The following TEX36 variants were observed in gnomAD, a reference collection of about 807,000 sequenced individuals.
The protein encoded by TEX36 is testis expressed 36, also known as testis-expressed protein 36.
In TEX36, 12 loss-of-function variants were observed where a neutral mutation model predicts 13.6. The observed-to-expected ratio is 0.88, with a 90% CI of 0.56 to 1.43. TEX36 has a LOEUF of 1.43. Among genes scored for constraint, TEX36 ranks in the 40% most tolerant of loss-of-function variants. The pLI is 0.00. For missense variants in TEX36, 224 were observed against 228.3 expected, an observed-to-expected ratio of 0.98 and a Z score of 0.12; for synonymous variants, 93 against 83.0, an observed-to-expected ratio of 1.12 and a Z score of -0.65.
intron 3 of TEX36, among the ~76,000 whole-genome samples, chr10:125,640,615 A>T (rs1261365005): frequency 6.6e-6 from 1 of 152,122 alleles, no homozygotes; most frequent in African/African-American, 2.4e-5. Context: ...CACACTTAGC[A>T]TTTTCCCATC....
chr10:125,638,362 GA>G (rs927940412), intron 3 of TEX36, among the ~76,000 whole-genome samples: 1 of 151,678 alleles, frequency 6.6e-6, no homozygotes, highest in Non-Finnish European at 1.5e-5. Context: ...AAAAAAGAAA[GA>G]GAGAGAGAGA....
At chr10:125,591,718 T>C (rs750995816) in intron 3 of TEX36, among the ~76,000 whole-genome samples, 1 of 152,226 alleles carries the variant, frequency 6.6e-6, no homozygotes, top group Non-Finnish European at 1.5e-5. Flanking sequence ...TGCATGTTCA[T>C]GAAGCTGCCA....
intron 3 of TEX36, among the ~76,000 whole-genome samples, chr10:125,579,830 G>T (rs950720116): frequency 6.6e-6 from 1 of 152,020 alleles, no homozygotes; most frequent in Non-Finnish European, 1.5e-5. Context: ...AGTTTCCTGA[G>T]GCCTCCCCAG....
intron 3 of TEX36, among the ~76,000 whole-genome samples, chr10:125,627,049 C>A (rs1002567623): frequency 2.3e-4 from 35 of 152,184 alleles, no homozygotes; most frequent in Non-Finnish European, 7.3e-5. Flanking sequence ...ACCTCAAGCA[C>A]TGGATTAATT....
intron 3 of TEX36, among the ~76,000 whole-genome samples, chr10:125,637,169 C>T (rs1397054811): frequency 2.0e-5 from 3 of 151,852 alleles, no homozygotes; most frequent in East Asian, 1.9e-4. Context: ...ATTAGTCTGG[C>T]GTGGTGGTAG....
chr10:125,663,754 G>A lies in TEX36; in HGVS notation c.52-1777C>T, dbSNP rs1847082457. On this transcript the variant is annotated intron_variant, in intron 1 of 3. Coordinates refer to ENST00000368821, the MANE Select transcript of TEX36 (RefSeq NM_001128202.3). ...CATAGTAGCTGTATATATTTATGGG[G>A]TACATAAGATATTTTGATACAGGCA... 2.0e-5 allele frequency among the ~76,000 whole-genome samples: 3 copies of A among 151,826 alleles called. No homozygotes were observed. In the South Asian group the frequency reaches 6.3e-4, roughly 32 times the overall value.
intron 3 of TEX36, among the ~76,000 whole-genome samples, chr10:125,603,151 T>C (rs1338236359): frequency 1.3e-5 from 2 of 152,174 alleles, no homozygotes; most frequent in Non-Finnish European, 2.9e-5. Context: ...AGCCTTCCTG[T>C]CCTAAGAGTC....
In TEX36 at chr10:125,683,063, G is replaced by A; in HGVS notation, c.-74C>T. The A allele has an allele frequency of 6.6e-7, 1 of 1,504,074 alleles. No homozygotes were observed. Among genetic ancestry groups the A allele is most frequent in the Non-Finnish European group, 9.1e-7 (1 of 1,103,972 alleles). The allele number at this position is 1,504,074 out of a possible 1,614,324, so 93.2% of individuals were successfully genotyped here. On this transcript the variant is annotated 5_prime_UTR_variant, in exon 1 of 4. The change creates a premature stop within an existing upstream ORF in the 5' untranslated region. Coordinates refer to ENST00000368821, the MANE Select transcript of TEX36 (RefSeq NM_001128202.3). ...ATAAGCTCTACATGTCTGGGAAGCT[G>A]CTTCCTAAACTTCATAAGCTCTACA...
chr10:125,626,084 C>A lies in TEX36; in HGVS notation c.265-4439G>T, dbSNP rs116753833. On this transcript the variant is annotated intron_variant, in intron 3 of 3. Transcript: ENST00000526819. ...GTGATAAAGGTCAGGCCATCTTAGC[C>A]CAACTCAGGACAACTCTGAAGGGCC... Among the ~76,000 whole-genome samples the A allele has an allele frequency of 3.3e-3, 509 of 152,312 alleles. 4 individuals are homozygous for A. The highest frequency in any genetic ancestry group is 0.012 in the African/African-American group (485 of 41,570).
At chr10:125,669,016 G>A (rs2133604281) in intron 1 of TEX36, among the ~76,000 whole-genome samples, 1 of 152,300 alleles carries the variant, frequency 6.6e-6, no homozygotes, top group South Asian at 2.1e-4. Context: ...AAAGTTGCCA[G>A]GTGCAGTGGC....
chr10:125,628,335 G>C (rs1241991136), intron 3 of TEX36, among the ~76,000 whole-genome samples: 1 of 152,256 alleles, frequency 6.6e-6, no homozygotes, highest in East Asian at 1.9e-4. Context: ...TGGAAGCATA[G>C]TTAATGTCCC....
At chr10:125,655,548 C>T, downstream of TEX36, 1 of 415,052 alleles carries the variant, frequency 2.4e-6, no homozygotes, top group Non-Finnish European at 3.3e-6. Context: ...AGATTAAAAA[C>T]AAGTAGTTAA....
intron 3 of TEX36, among the ~76,000 whole-genome samples, chr10:125,581,902 C>A (rs989130876): frequency 6.6e-5 from 10 of 152,248 alleles, no homozygotes; most frequent in African/African-American, 2.4e-4. Flanking sequence ...TGTCCTCCCA[C>A]CCAAAGAAGC....
chr10:125,635,600 G>A (rs1338509024), intron 3 of TEX36, among the ~76,000 whole-genome samples: 4 of 152,110 alleles, frequency 2.6e-5, no homozygotes, highest in African/African-American at 7.2e-5. Context: ...ACAGCGGATG[G>A]GGGAAGTTCA....
At chr10:125,607,098 T>C (rs1198714570) in intron 3 of TEX36, among the ~76,000 whole-genome samples, 2 of 152,322 alleles carry the variant, frequency 1.3e-5, no homozygotes, top group South Asian at 4.1e-4. Context: ...CTAGATCACT[T>C]GGGTGCTGCA....
At chr10:125,630,962 G>A (rs1471543258) in intron 3 of TEX36, among the ~76,000 whole-genome samples, 1 of 151,938 alleles carries the variant, frequency 6.6e-6, no homozygotes, top group East Asian at 1.9e-4. Context: ...GTGGGAATGG[G>A]ACTTCTCCCT....
At chr10:125,585,916 C>T (rs971172877) in intron 3 of TEX36, among the ~76,000 whole-genome samples, 1 of 152,206 alleles carries the variant, frequency 6.6e-6, no homozygotes, top group Non-Finnish European at 1.5e-5. Context: ...TAGCATGGAA[C>T]CCTAGGAAGG....
chr10:125,595,536 C>T (rs939701925), intron 3 of TEX36, among the ~76,000 whole-genome samples: 4 of 152,194 alleles, frequency 2.6e-5, no homozygotes, highest in Admixed American at 6.5e-5. Context: ...TCAGTAGCCC[C>T]TCCTGCTCAA....
chr10:125,667,819 C>T, intron 1 of TEX36: 1 of 1,271,492 alleles, frequency 7.9e-7, no homozygotes, highest in South Asian at 1.2e-5. Context: ...TAAGGGACTG[C>T]AGCCGCTTGG....
Sources: allele counts gnomAD v4.1 joint callset (sites outside exome capture counted in the v4.1 genomes callset), GRCh38; gene constraint gnomAD v4.1.1; transcripts MANE v1.5; gene names NCBI Gene and HGNC (gene_info 2026-07-23, HGNC 2026-07-21).